Variants in CHIC2 observed in about 807,000 individuals in gnomAD.
CHIC2 encodes cysteine-rich hydrophobic domain-containing protein 2.
In CHIC2, 14 loss-of-function variants were observed where a neutral mutation model predicts 25.9. The observed-to-expected ratio is 0.54, with a 90% CI of 0.36 to 0.85. The LOEUF is 0.85. Among genes scored for constraint, CHIC2 ranks in the 40% least tolerant of loss-of-function variants. The pLI is 0.01. For missense variants in CHIC2, 146 were observed against 202.0 expected (o/e 0.72, Z 1.68); for synonymous variants, 70 against 72.0 (o/e 0.97, Z 0.14).
At chr4:54,040,269 T>A (rs972135202) in intron 3 of CHIC2, among the ~76,000 whole-genome samples, 3 of 152,062 alleles carry the variant, frequency 2.0e-5, no homozygotes, top group Non-Finnish European at 4.4e-5. Flanking sequence ...TAAAAAATAA[T>A]CAAAATAACA....
chr4:54,025,376 T>C (rs886511119), intron 3 of CHIC2, among the ~76,000 whole-genome samples: 1 of 150,976 alleles, frequency 6.6e-6, no homozygotes, highest in Admixed American at 6.6e-5. Flanking sequence ...CCACAAAACA[T>C]TGCTCCTAAC....
chr4:54,087,811 T>C, the CHIC2 span: 1 of 407,944 alleles, frequency 2.5e-6, no homozygotes, highest in Non-Finnish European at 4.6e-6. Context: ...TTCACTGTTA[T>C]TTCCCTGAGA....
At chr4:54,016,067 G>C (rs1258051388) in intron 3 of CHIC2, among the ~76,000 whole-genome samples, 1 of 152,128 alleles carries the variant, frequency 6.6e-6, no homozygotes, top group African/African-American at 2.4e-5. Flanking sequence ...TTTAATAATA[G>C]ATTAAGATTA....
At chr4:54,016,290 A>T (rs923871823) in intron 3 of CHIC2, among the ~76,000 whole-genome samples, 6 of 144,472 alleles carry the variant, frequency 4.2e-5, no homozygotes, top group South Asian at 4.2e-4. Flanking sequence ...AACCCATGCT[A>T]TAATAAGAAT....
At position 54,013,695 on chromosome 4, in the gene CHIC2, C is replaced by G. The variant is rs1715658717; in HGVS notation, c.447+142G>C. 5.6e-6 allele frequency: 4 copies of G among 716,778 alleles called. No homozygotes were observed. In the South Asian group the frequency reaches 7.6e-5, roughly 14 times the overall value. 44.4% of individuals were successfully genotyped at this position (716,778 alleles called of 1,614,324 possible). A position where few individuals can be genotyped will look rare whatever the true frequency, so the allele number is the denominator to read the frequency against. On this transcript the variant is annotated intron_variant, in intron 5 of 5. Transcript: ENST00000263921. ...CAGTCTTGCACATGAAACCATGCATCTGTGAACCGTAGAAAATCCTTGCAC... is the reference window on the plus strand; with the variant it reads ...CAGTCTTGCACATGAAACCATGCATGTGTGAACCGTAGAAAATCCTTGCAC...
intron 3 of CHIC2, among the ~76,000 whole-genome samples, chr4:54,048,518 C>T (rs1168007525): frequency 6.6e-6 from 1 of 152,134 alleles, no homozygotes; most frequent in Non-Finnish European, 1.5e-5. Flanking sequence ...TAACCACTTC[C>T]TTTGAGATAT....
chr4:54,062,025 G>A (rs1353981846), intron 1 of CHIC2, among the ~76,000 whole-genome samples: 1 of 152,138 alleles, frequency 6.6e-6, no homozygotes, highest in Admixed American at 6.5e-5. Context: ...GTACCACACA[G>A]TGCAATAAAT....
In CHIC2 at chr4:54,039,880, A is replaced by G. The variant is rs570627108; in HGVS notation, c.330+9075T>C. Among the ~76,000 whole-genome samples, 230 of 150,112 alleles carry G rather than the reference A, an allele frequency of 1.5e-3. 1 individual carries two copies. The highest frequency in any genetic ancestry group is 6.8e-3 in the Middle Eastern group (2 of 294). The stretch of plus-strand genomic sequence containing the variant: ...ATAAAAAAGAATAAACTATTAATAC[A>G]TAAAAGAAAATAGATGAATCTCAAA... On this transcript the variant is annotated intron_variant, in intron 3 of 5. Transcript: ENST00000263921.
chr4:54,050,019 A>G (rs1577982834), intron 1 of CHIC2, among the ~76,000 whole-genome samples: 1 of 152,192 alleles, frequency 6.6e-6, no homozygotes, highest in African/African-American at 2.4e-5. Context: ...AAATATAACA[A>G]GAAGATAAAA....
rs1162725997 is a variant in CHIC2, at chr4:54,009,977, CA to C, written c.*117del. On this transcript the variant is annotated 3_prime_UTR_variant, in exon 6 of 6. Transcript: ENST00000263921. ...TTTAAAAAAAAAACAAAAACAAAAA[CA>C]AAAAAAACACCACACGATTCTGTAG... The C allele has an allele frequency of 4.7e-5, 22 of 465,840 alleles. No individual in the cohort carries two copies. Among genetic ancestry groups the C allele is most frequent in the South Asian group, 1.9e-4 (4 of 20,718 alleles). 28.9% of individuals were successfully genotyped at this position (465,840 alleles called of 1,614,324 possible).
intron 3 of CHIC2, among the ~76,000 whole-genome samples, chr4:54,039,173 C>T (rs961060057): frequency 3.3e-5 from 5 of 152,046 alleles, no homozygotes; most frequent in African/African-American, 1.2e-4. Flanking sequence ...TTTTCATGAC[C>T]TTGGTTTAGG....
rs1715534164 is a variant in CHIC2 at position 54,009,973 on chromosome 4, AAAAC to A, written c.*118_*121del. The A allele has an allele frequency of 3.3e-6, 2 of 597,588 alleles. No homozygotes were observed. Among genetic ancestry groups the A allele is most frequent in the Non-Finnish European group, 2.8e-6 (1 of 353,118 alleles). The allele number at this position is 597,588 out of a possible 1,614,324, so 37.0% of individuals were successfully genotyped here. On this transcript the variant is annotated 3_prime_UTR_variant, in exon 6 of 6. Coordinates refer to ENST00000263921, the MANE Select transcript of CHIC2 (RefSeq NM_012110.4). ...GTTATTTAAAAAAAAAACAAAAACA[AAAAC>A]AAAAAAAACACCACACGATTCTGTA... is the stretch of plus-strand genomic sequence containing the variant.
chr4:54,084,844 CA>C, the CHIC2 span, among the ~76,000 whole-genome samples: 7 of 151,438 alleles, frequency 4.6e-5, no homozygotes, highest in Admixed American at 1.3e-4. Flanking sequence ...CCTGCAATCT[CA>C]GCTACTCGGG....
rs2110097956 is a variant in CHIC2, at chr4:54,064,597, C to T, written c.-297G>A. ...TGCCGCCGCCGCAGCAGCAGCAACT[C>T]AGGAAACCACAGCAACAGCCCGAGC... On this transcript the variant is annotated 5_prime_UTR_variant, in exon 1 of 6. Coordinates refer to ENST00000263921, the MANE Select transcript of CHIC2 (RefSeq NM_012110.4). This position sits in a 1 kb window ranked among gnomAD's most constrained non-coding sequence, Gnocchi z 4.2. 4 of 1,225,318 alleles carry T rather than the reference C, an allele frequency of 3.3e-6. No individual in the cohort carries two copies. The highest frequency in any genetic ancestry group is 3.1e-6 in the Non-Finnish European group (3 of 979,524). The allele number at this position is 1,225,318 out of a possible 1,614,324, so 75.9% of individuals were successfully genotyped here.
chr4:54,052,778 T>C (rs1019877443), intron 1 of CHIC2, among the ~76,000 whole-genome samples: 1 of 152,236 alleles, frequency 6.6e-6, no homozygotes, highest in African/African-American at 2.4e-5. Flanking sequence ...GAACTATAAA[T>C]TGTTACAACC....
intron 3 of CHIC2, among the ~76,000 whole-genome samples, chr4:54,022,209 G>A (rs1715920318): frequency 6.6e-6 from 1 of 152,144 alleles, no homozygotes; most frequent in Non-Finnish European, 1.5e-5. Context: ...CACTCCCAGA[G>A]CCCCTGGAAC....
intron 3 of CHIC2, among the ~76,000 whole-genome samples, chr4:54,043,327 A>G (rs1716649794): frequency 6.6e-6 from 1 of 151,646 alleles, no homozygotes; most frequent in Non-Finnish European, 1.5e-5. Flanking sequence ...AGGCTGACAC[A>G]GGAGAATGGC....
At chr4:54,038,149 AAAAG>A (rs1329711018) in intron 3 of CHIC2, among the ~76,000 whole-genome samples, 1 of 152,182 alleles carries the variant, frequency 6.6e-6, no homozygotes, top group Admixed American at 6.5e-5. Context: ...AAAGAGAAGG[AAAAG>A]AAAAAGTACA....
chr4:54,025,610 G>C (rs2110067280), intron 3 of CHIC2, among the ~76,000 whole-genome samples: 1 of 152,256 alleles, frequency 6.6e-6, no homozygotes, highest in African/African-American at 2.4e-5. Flanking sequence ...TGTGATCCCA[G>C]CACTTTGGGA....
Sources: allele counts gnomAD v4.1 joint callset (sites outside exome capture counted in the v4.1 genomes callset), GRCh38; gene constraint gnomAD v4.1.1; non-coding constraint Gnocchi (gnomAD v3.1); transcripts MANE v1.5; gene names NCBI Gene and HGNC (gene_info 2026-07-23, HGNC 2026-07-21).